TMEM117: variants seen among roughly 807,000 people sequenced by gnomAD.
TMEM117 encodes the protein transmembrane protein 117.
TMEM117 carries 27 observed loss-of-function variants against 52.4 expected under a neutral mutation model. The observed-to-expected ratio is 0.51, with a 90% confidence interval of 0.38 to 0.71. The LOEUF (loss-of-function observed/expected upper bound fraction) is 0.71, where lower values mean the gene tolerates loss of function less well. Ranked by LOEUF, TMEM117 falls within the 30% of genes least tolerant of loss-of-function variation. The pLI is 0.00. For synonymous variants in TMEM117, 215 were observed against 206.3 expected (o/e 1.04, Z -0.36); for missense variants, 556 against 630.5 (o/e 0.88, Z 1.26).
rs575784425 is a variant in TMEM117, at chr12:43,980,393, C to T, written c.410+36051C>T. Among the ~76,000 whole-genome samples, 52 of 151,332 alleles carry T rather than the reference C, an allele frequency of 3.4e-4. 1 individual carries two copies. In the South Asian group the frequency reaches 9.4e-3, roughly 27 times the overall value. ...CTTGTTCCCAGAGTTCTACATCTAGCGTACCTTCTTCTAGGAACCATGGGA... is the reference window on the plus strand; with the variant it reads ...CTTGTTCCCAGAGTTCTACATCTAGTGTACCTTCTTCTAGGAACCATGGGA... On this transcript the variant is annotated intron_variant, in intron 3 of 7. Transcript: ENST00000266534.
At chr12:43,892,398 A>G (rs760950583) in intron 2 of TMEM117, among the ~76,000 whole-genome samples, 3 of 152,162 alleles carry the variant, frequency 2.0e-5, no homozygotes, top group African/African-American at 4.8e-5. Flanking sequence ...TTGGCATGTT[A>G]CCAAATTCCA....
the TMEM117 span, among the ~76,000 whole-genome samples, chr12:44,397,394 A>G: frequency 6.6e-6 from 1 of 152,186 alleles, no homozygotes; most frequent in Non-Finnish European, 1.5e-5. Flanking sequence ...GTTTTTCTAC[A>G]GTTCATATCT....
chr12:43,872,622 A>G (rs1943725798), intron 2 of TMEM117, among the ~76,000 whole-genome samples: 1 of 152,244 alleles, frequency 6.6e-6, no homozygotes, highest in Non-Finnish European at 1.5e-5. Context: ...CATATTGTAC[A>G]GGAAGACATT....
At chr12:44,342,293 A>G (rs2138754472) in intron 6 of TMEM117, among the ~76,000 whole-genome samples, 1 of 152,262 alleles carries the variant, frequency 6.6e-6, no homozygotes, top group South Asian at 2.1e-4. Context: ...GCTTCCAGGA[A>G]AATCTAGGGA....
chr12:44,149,603 G>C (rs1022942637), intron 4 of TMEM117, among the ~76,000 whole-genome samples: 3 of 152,084 alleles, frequency 2.0e-5, no homozygotes, highest in African/African-American at 7.2e-5. Context: ...ATTTTATCAA[G>C]TTAAAAATAG....
intron 3 of TMEM117, among the ~76,000 whole-genome samples, chr12:44,128,962 G>A (rs1948370704): frequency 6.6e-6 from 1 of 152,074 alleles, no homozygotes; most frequent in African/African-American, 2.4e-5. Flanking sequence ...TCCTATGTAG[G>A]GTCACTAGGG....
At chr12:44,359,586 G>C (rs1951695299) in intron 6 of TMEM117, among the ~76,000 whole-genome samples, 1 of 151,882 alleles carries the variant, frequency 6.6e-6, no homozygotes, top group Non-Finnish European at 1.5e-5. Context: ...CCAAAAGGCA[G>C]TTTCCACATT....
rs550674858 is a variant in TMEM117 at position 44,006,142 on chromosome 12, A to G, written c.410+61800A>G. ...GGCACCAGTTTGAAAGCCTCCATCC[A>G]GTCCACATAATGAAAATCAGAAAAA... On this transcript the variant is annotated intron_variant, in intron 3 of 7. Transcript: ENST00000266534. 2.0e-5 allele frequency among the ~76,000 whole-genome samples: 3 copies of G among 152,328 alleles called. No individual in the cohort carries two copies. The East Asian group carries it at 5.8e-4, about 29-fold the overall frequency.
chr12:44,335,433 C>G (rs1429209031), intron 6 of TMEM117, among the ~76,000 whole-genome samples: 1 of 151,936 alleles, frequency 6.6e-6, no homozygotes, highest in African/African-American at 2.4e-5. Context: ...TCTCATTGAT[C>G]ATCATAGCAG....
Position 44,026,819 on chromosome 12 carries a change from C to G in TMEM117, c.410+82477C>G, listed in dbSNP as rs937293321. On this transcript the variant is annotated intron_variant, in intron 3 of 7. Transcript: ENST00000266534. ...AAAATCATATTTGCACTATTATTTT[C>G]TGTTTGTATATATCCTTAAATAGTT... Among the ~76,000 whole-genome samples the G allele has an allele frequency of 9.9e-5, 15 of 152,024 alleles. No homozygotes were observed. The South Asian group carries it at 1.9e-3, about 19-fold the overall frequency.
chr12:44,304,447 G>A (rs1401938422), intron 6 of TMEM117, among the ~76,000 whole-genome samples: 2 of 152,168 alleles, frequency 1.3e-5, no homozygotes, highest in East Asian at 1.9e-4. Context: ...GAGCTTGGAG[G>A]CAGTAGACTT....
At chr12:43,946,299 A>G (rs1467142418) in intron 3 of TMEM117, among the ~76,000 whole-genome samples, 1 of 152,032 alleles carries the variant, frequency 6.6e-6, no homozygotes, top group Non-Finnish European at 1.5e-5. Context: ...TACATTTTAA[A>G]AGCAATTGCT....
At chr12:44,379,989 G>A (rs1478047653) in intron 7 of TMEM117, among the ~76,000 whole-genome samples, 1 of 152,212 alleles carries the variant, frequency 6.6e-6, no homozygotes, top group Non-Finnish European at 1.5e-5. Context: ...TCTGATGCCT[G>A]AGGTATGCAG....
At chr12:43,870,205 TTGTGAATAGTGCTGCAGTGAACA>T (rs1230590052) in intron 2 of TMEM117, among the ~76,000 whole-genome samples, 3 of 152,106 alleles carry the variant, frequency 2.0e-5, no homozygotes, top group Admixed American at 1.3e-4. Context: ...GCCTTTGCTT[TTGTGAATAGTGCTGCAGTGAACA>T]TGTGAATAGT....
chr12:43,844,981 C>A, intron 2 of TMEM117, 53 bp downstream of exon 2: 1 of 1,547,100 alleles, frequency 6.5e-7, no homozygotes, highest in Non-Finnish European at 8.7e-7. Context: ...AATTTCTATT[C>A]TCCAAGATAC....
At chr12:43,871,862 G>T (rs1481750090) in intron 2 of TMEM117, among the ~76,000 whole-genome samples, 1 of 152,124 alleles carries the variant, frequency 6.6e-6, no homozygotes, top group Non-Finnish European at 1.5e-5. Context: ...TCTAAGTATT[G>T]TTCTGATAGC....
At chr12:44,147,746 A>G (rs976721729) in intron 4 of TMEM117, among the ~76,000 whole-genome samples, 4 of 152,066 alleles carry the variant, frequency 2.6e-5, no homozygotes, top group African/African-American at 9.7e-5. Flanking sequence ...AGCCTGGCCA[A>G]CATGGTGAAA....
chr12:44,270,246 C>A (rs1950429617), intron 5 of TMEM117, among the ~76,000 whole-genome samples: 1 of 152,054 alleles, frequency 6.6e-6, no homozygotes, highest in Non-Finnish European at 1.5e-5. Context: ...AAGTATAATG[C>A]TCCTTACACA....
At chr12:44,114,284 C>G (rs1239207204) in intron 3 of TMEM117, among the ~76,000 whole-genome samples, 1 of 152,158 alleles carries the variant, frequency 6.6e-6, no homozygotes. Flanking sequence ...AAAATGACAA[C>G]TTTTTACTCC....
Sources: allele counts gnomAD v4.1 joint callset (sites outside exome capture counted in the v4.1 genomes callset), GRCh38; gene constraint gnomAD v4.1.1; transcripts MANE v1.5; gene names NCBI Gene and HGNC (gene_info 2026-07-23, HGNC 2026-07-21).